The following SNX8 variants were observed in gnomAD, a reference collection of about 807,000 sequenced individuals.
SNX8 encodes sorting nexin-8.
In SNX8, 25 loss-of-function variants were observed where a neutral mutation model predicts 51.6. The observed-to-expected ratio is 0.48, with a 90% CI of 0.35 to 0.68. The LOEUF is 0.68. Ranked by LOEUF, SNX8 falls within the 30% of genes least tolerant of loss-of-function variation. The pLI is 0.00. For synonymous variants in SNX8, 324 were observed against 277.0 expected (o/e 1.17, Z -1.68); for missense variants, 695 against 624.0 (o/e 1.11, Z -1.21).
intron 1 of SNX8, among the ~76,000 whole-genome samples, chr7:2,327,112 A>G (rs1053564235): frequency 2.6e-5 from 4 of 152,088 alleles, no homozygotes. Flanking sequence ...TGCTTCTTCC[A>G]GCTTCTGGTG....
intron 1 of SNX8, among the ~76,000 whole-genome samples, chr7:2,348,636 C>T (rs191625071): frequency 7.8e-4 from 119 of 151,720 alleles, no homozygotes; most frequent in Non-Finnish European, 1.4e-3. Flanking sequence ...CCACCGTGCC[C>T]GGCCCAGTAT....
At position 2,342,213 on chromosome 7, in the gene SNX8, T is replaced by A. The variant is rs536925529; in HGVS notation, c.-66+12009A>T. ...TAATAATAAATAATAAATAAATAAATAAATAAATGTACTTCAGGTAGAAAG... is the reference window on the plus strand; with the variant it reads ...TAATAATAAATAATAAATAAATAAAAAAATAAATGTACTTCAGGTAGAAAG... On this transcript the variant is annotated intron_variant, in intron 1 of 5. Coordinates refer to the SNX8 transcript ENST00000435336. Among the ~76,000 whole-genome samples, 5 of 151,416 alleles carry A rather than the reference T, an allele frequency of 3.3e-5. No homozygotes were observed. The South Asian group carries it at 1.0e-3, about 32-fold the overall frequency.
At chr7:2,301,564 CCTA>C (rs1324865713) in intron 1 of SNX8, among the ~76,000 whole-genome samples, 1 of 152,188 alleles carries the variant, frequency 6.6e-6, no homozygotes, top group African/African-American at 2.4e-5. Flanking sequence ...CATATTTATA[CCTA>C]CTTTTAATTA....
At chr7:2,303,868 G>A (rs1258163305) in intron 1 of SNX8, among the ~76,000 whole-genome samples, 3 of 151,608 alleles carry the variant, frequency 2.0e-5, no homozygotes, top group Non-Finnish European at 4.4e-5. Context: ...TTGTTCACGT[G>A]TTTATCTGCC....
intron 1 of SNX8, among the ~76,000 whole-genome samples, chr7:2,322,025 G>A (rs1050360380): frequency 1.3e-5 from 2 of 152,132 alleles, no homozygotes; most frequent in East Asian, 1.9e-4. Flanking sequence ...GCCCGGCCTC[G>A]AATTTCTCAA....
intron 1 of SNX8, among the ~76,000 whole-genome samples, chr7:2,305,119 G>A (rs547131353): frequency 7.2e-5 from 11 of 152,248 alleles, no homozygotes; most frequent in Non-Finnish European, 1.2e-4. Context: ...ACAGAGCACC[G>A]GGCTGAGCCA....
At chr7:2,304,428 C>T (rs1470781485) in intron 1 of SNX8, among the ~76,000 whole-genome samples, 1 of 151,648 alleles carries the variant, frequency 6.6e-6, no homozygotes, top group Non-Finnish European at 1.5e-5. Flanking sequence ...CCTGTAGTCC[C>T]AGCTACTCGG....
intron 1 of SNX8, chr7:2,299,249 G>A (rs1317024239): frequency 6.6e-6 from 1 of 151,948 alleles, no homozygotes; most frequent in East Asian, 1.9e-4. Flanking sequence ...CACACAAGCA[G>A]GACATGGGAG....
chr7:2,263,413 C>T, intron 6 of SNX8, 51 bp from the exon 7 acceptor site: 1 of 1,529,018 alleles, frequency 6.5e-7, no homozygotes, highest in Non-Finnish European at 8.8e-7. Flanking sequence ...TGGAGCTCAC[C>T]TGGCAGTCGA....
At chr7:2,276,470 A>G (rs549711677) in intron 2 of SNX8, among the ~76,000 whole-genome samples, 32 of 152,320 alleles carry the variant, frequency 2.1e-4, no homozygotes, top group Admixed American at 2.1e-3. Context: ...AACACAGTGA[A>G]GCACAGCAGA....
intron 7 of SNX8, 70 bp downstream of exon 7, chr7:2,263,160 G>A (rs1487319719): frequency 2.3e-5 from 35 of 1,537,922 alleles, no homozygotes; most frequent in Non-Finnish European, 2.8e-5. Flanking sequence ...CATCTAAGCA[G>A]GAGGCACTCC....
intron 1 of SNX8, among the ~76,000 whole-genome samples, chr7:2,349,791 G>A (rs1242460261): frequency 6.6e-6 from 1 of 151,954 alleles, no homozygotes; most frequent in Non-Finnish European, 1.5e-5. Context: ...GGAGTGCAGT[G>A]GCTCGATCCT....
intron 1 of SNX8, among the ~76,000 whole-genome samples, chr7:2,293,934 C>T (rs898203407): frequency 4.6e-5 from 7 of 151,468 alleles, no homozygotes; most frequent in Admixed American, 2.0e-4. Context: ...CCAGTGCACT[C>T]CAGCCTGGGC....
chr7:2,309,972 C>T (rs1199263399), intron 1 of SNX8: 8 of 434,988 alleles, frequency 1.8e-5, no homozygotes, highest in Non-Finnish European at 3.3e-5. Context: ...CAGGTCAACG[C>T]GGACAAACAG....
intron 2 of SNX8, 28 bp downstream of exon 2, chr7:2,278,072 C>A (rs566563296): frequency 6.2e-7 from 1 of 1,606,480 alleles, no homozygotes; most frequent in Admixed American, 1.7e-5. Context: ...CCCCTCCTGC[C>A]CCGACACACA....
At chr7:2,317,549 T>C (rs1484632490), upstream of SNX8, among the ~76,000 whole-genome samples, 4 of 151,984 alleles carry the variant, frequency 2.6e-5, no homozygotes, top group East Asian at 5.8e-4. Context: ...AGTGCTGGGA[T>C]TACAGGTGTG....
At chr7:2,343,548 A>AG (rs1778970406) in intron 1 of SNX8, among the ~76,000 whole-genome samples, 7 of 151,752 alleles carry the variant, frequency 4.6e-5, no homozygotes, top group Admixed American at 2.0e-4. Context: ...GGTGGCGTGC[A>AG]CCTGTAGTCC....
At position 2,338,583 on chromosome 7, in the gene SNX8, G is replaced by A. The variant is rs190275635; in HGVS notation, c.-66+15639C>T. The stretch of plus-strand genomic sequence containing the variant: ...CGGGAGGCTGAGGTCGCAGTGACCC[G>A]AGATTGCACCTCTGCACTCCAGCCT... On this transcript the variant is annotated intron_variant, in intron 1 of 5. Coordinates refer to the SNX8 transcript ENST00000435336. Among the ~76,000 whole-genome samples, 10 of 152,218 alleles carry A rather than the reference G, an allele frequency of 6.6e-5. No homozygotes were observed. The East Asian group carries it at 1.5e-3, about 23-fold the overall frequency.
intron 1 of SNX8, among the ~76,000 whole-genome samples, chr7:2,284,171 C>T (rs1375242697): frequency 6.6e-6 from 1 of 152,076 alleles, no homozygotes; most frequent in African/African-American, 2.4e-5. Context: ...CTCAGGTGAT[C>T]CACCCGCCTC....
Sources: gnomAD v4.1 joint callset for allele counts (sites outside exome capture counted in the v4.1 genomes callset) on GRCh38, gnomAD v4.1.1 for gene constraint, MANE v1.5 for transcripts, NCBI Gene and HGNC (gene_info 2026-07-23, HGNC 2026-07-21) for gene names.